The following MSRA variants were observed in gnomAD, a reference collection of about 807,000 sequenced individuals.
The protein encoded by MSRA is mitochondrial peptide methionine sulfoxide reductase.
A neutral mutation model predicts 31.3 loss-of-function variants in MSRA; 54 were observed. The ratio of observed to expected loss-of-function variants is 1.73; its 90% confidence interval spans 1.39 to 2.17. The LOEUF (loss-of-function observed/expected upper bound fraction) is 2.17, where lower values mean the gene tolerates loss of function less well. Among genes scored for constraint, MSRA ranks in the 30% most tolerant of loss-of-function variants. The probability of loss-of-function intolerance (pLI) is 0.00; values close to 1 mark genes in which losing one functional copy is unlikely to be tolerated. For missense variants in MSRA, 507 were observed against 300.9 expected (o/e 1.69, Z -5.07); for synonymous variants, 169 against 116.5 (o/e 1.45, Z -2.90).
At chr8:10,251,916 G>A (rs528624236) in intron 3 of MSRA, among the ~76,000 whole-genome samples, 4 of 152,198 alleles carry the variant, frequency 2.6e-5, no homozygotes, top group Admixed American at 2.6e-4. Context: ...ACCTAGAAGG[G>A]CCTTAACCAT....
In MSRA at chr8:10,262,047, G is replaced by A. The variant is rs148829059; in HGVS notation, c.331+16824G>A. Among the ~76,000 whole-genome samples the A allele has an allele frequency of 7.5e-4, 114 of 152,298 alleles. 3 individuals carry two copies. The East Asian group carries it at 0.018, about 24-fold the overall frequency. On this transcript the variant is annotated intron_variant, in intron 3 of 5. Transcript: ENST00000317173. ...TAACGGTACTCCATGTCTTTCTGGGGCTTGATGGCTTATGTCTTTTTATCA... is the reference window on the plus strand; with the variant it reads ...TAACGGTACTCCATGTCTTTCTGGGACTTGATGGCTTATGTCTTTTTATCA...
intron 1 of MSRA, among the ~76,000 whole-genome samples, chr8:10,105,277 A>G (rs1173202913): frequency 6.6e-6 from 1 of 151,992 alleles, no homozygotes; most frequent in African/African-American, 2.4e-5. Flanking sequence ...TTCATTTTTC[A>G]TTTTCAGAAG....
At position 10,168,482 on chromosome 8, in the gene MSRA, T is replaced by G. The variant is rs1016912165; in HGVS notation, c.143-39351T>G. Among the ~76,000 whole-genome samples the G allele has an allele frequency of 1.2e-4, 18 of 152,332 alleles. No individual in the cohort carries two copies. In the East Asian group the frequency reaches 3.5e-3, roughly 29 times the overall value. ...GGCACACAAATAATTTTTAATAAAA[T>G]TTTAGTGTATAAATGTGGTTTTTGG... On this transcript the variant is annotated intron_variant, in intron 1 of 5. Coordinates refer to ENST00000317173, the MANE Select transcript of MSRA (RefSeq NM_012331.5).
intron 1 of MSRA, among the ~76,000 whole-genome samples, chr8:10,089,540 GA>G (rs1798755581): frequency 6.6e-6 from 1 of 152,228 alleles, no homozygotes; most frequent in Non-Finnish European, 1.5e-5. Flanking sequence ...GCTAGGAGGG[GA>G]AACCACAGCG....
At chr8:10,155,025 T>C (rs1335060361) in intron 1 of MSRA, among the ~76,000 whole-genome samples, 1 of 149,472 alleles carries the variant, frequency 6.7e-6, no homozygotes, top group African/African-American at 2.5e-5. Context: ...GGTTTTACCT[T>C]GCATTCGCAT....
chr8:10,247,282 C>T (rs560926561), intron 3 of MSRA, among the ~76,000 whole-genome samples: 10 of 152,132 alleles, frequency 6.6e-5, no homozygotes, highest in South Asian at 4.2e-4. Flanking sequence ...AAATAACTTA[C>T]CTAAGGTCAT....
chr8:10,137,249 A>C (rs1365197474), intron 1 of MSRA, among the ~76,000 whole-genome samples: 1 of 152,368 alleles, frequency 6.6e-6, no homozygotes, highest in East Asian at 1.9e-4. Flanking sequence ...ACTTAAAAGC[A>C]TATTTTAAAA....
chr8:10,334,861 C>T (rs182539107), intron 5 of MSRA, among the ~76,000 whole-genome samples: 6 of 152,266 alleles, frequency 3.9e-5, no homozygotes, highest in Non-Finnish European at 8.8e-5. Flanking sequence ...ACCCCTCCCC[C>T]GCTCTGGCCG....
chr8:10,073,203 A>G (rs2128919217), intron 1 of MSRA, among the ~76,000 whole-genome samples: 1 of 152,284 alleles, frequency 6.6e-6, no homozygotes, highest in Non-Finnish European at 1.5e-5. Flanking sequence ...CTTAGGGGAA[A>G]AGCATTCAGC....
At chr8:10,259,970 C>T (rs777559391) in intron 3 of MSRA, among the ~76,000 whole-genome samples, 39 of 152,366 alleles carry the variant, frequency 2.6e-4, no homozygotes, top group Non-Finnish European at 5.3e-4. Flanking sequence ...CTCTGAGGAC[C>T]TCAACACAGA....
At chr8:10,395,932 A>G (rs918211112) in intron 5 of MSRA, among the ~76,000 whole-genome samples, 12 of 152,220 alleles carry the variant, frequency 7.9e-5, no homozygotes, top group Admixed American at 5.9e-4. Context: ...TCCAGTTTCT[A>G]CCAATCTTTG....
chr8:10,184,557 C>G (rs1336833179), intron 1 of MSRA, among the ~76,000 whole-genome samples: 2 of 151,976 alleles, frequency 1.3e-5, no homozygotes, highest in African/African-American at 2.4e-5. Context: ...TAACACTTCC[C>G]TGATCGGTTT....
intron 5 of MSRA, among the ~76,000 whole-genome samples, chr8:10,419,529 A>T (rs200305750): frequency 2.6e-5 from 4 of 152,144 alleles, no homozygotes; most frequent in Non-Finnish European, 5.9e-5. Context: ...ATGACGTGAG[A>T]TGGTGAAAGA....
rs182683465 is a variant in MSRA, at chr8:10,362,715, C to T, written c.543+42726C>T. On this transcript the variant is annotated intron_variant, in intron 5 of 5. Transcript: ENST00000317173. ...ATGAGGACCCTTTTGCAAATTGTTG[C>T]TCTGGAGGCTGAAAAATCAAGCTCG... Among the ~76,000 whole-genome samples, 228 of 152,184 alleles carry T rather than the reference C, an allele frequency of 1.5e-3. 5 individuals carry two copies. The highest frequency in any genetic ancestry group is 1.5e-3 in the South Asian group (7 of 4,806).
chr8:10,087,522 G>C (rs760012576), intron 1 of MSRA, among the ~76,000 whole-genome samples: 9 of 152,150 alleles, frequency 5.9e-5, no homozygotes, highest in Non-Finnish European at 1.2e-4. Flanking sequence ...GTGCTCTTTG[G>C]AGTTTCAGAT....
Position 10,054,324 on chromosome 8 carries a change from C to A in MSRA, c.-193C>A. The A allele has an allele frequency of 2.4e-6, 1 of 419,202 alleles. No homozygotes were observed. The highest frequency in any genetic ancestry group is 3.9e-6 in the Non-Finnish European group (1 of 255,040). 26.0% of individuals were successfully genotyped at this position (419,202 alleles called of 1,614,324 possible). A position where few individuals can be genotyped will look rare whatever the true frequency, so the allele number is the denominator to read the frequency against. On this transcript the variant is annotated 5_prime_UTR_variant, in exon 1 of 6. Transcript: ENST00000317173. ...GAAGGAACACGCCCCCGGTGACAGC[C>A]GGTACGGCCCCGGGTTTGGGCAACC...
At chr8:10,150,828 T>G (rs1451123413) in intron 1 of MSRA, among the ~76,000 whole-genome samples, 1 of 152,188 alleles carries the variant, frequency 6.6e-6, no homozygotes, top group Non-Finnish European at 1.5e-5. Context: ...ACTGCCCAGT[T>G]GCATCCCTTT....
At chr8:10,223,061 T>C (rs566383345) in intron 2 of MSRA, among the ~76,000 whole-genome samples, 59 of 152,320 alleles carry the variant, frequency 3.9e-4, no homozygotes, top group African/African-American at 1.4e-3. Flanking sequence ...ATACATCACG[T>C]TTTACACCAT....
At chr8:10,322,058 G>T (rs1230597244) in intron 5 of MSRA, among the ~76,000 whole-genome samples, 1 of 152,084 alleles carries the variant, frequency 6.6e-6, no homozygotes, top group African/African-American at 2.4e-5. Context: ...ACAGTGGTGG[G>T]CTAACCTGGG....
Sources: gnomAD v4.1 joint callset for allele counts (sites outside exome capture counted in the v4.1 genomes callset) on GRCh38, gnomAD v4.1.1 for gene constraint, MANE v1.5 for transcripts, NCBI Gene and HGNC (gene_info 2026-07-23, HGNC 2026-07-21) for gene names.